The following ITPK1 variants were observed in gnomAD, a reference collection of about 807,000 sequenced individuals.
ITPK1 encodes the protein inositol-tetrakisphosphate 1-kinase.
A neutral mutation model predicts 45.3 loss-of-function variants in ITPK1; 21 were observed. The observed-to-expected ratio is 0.46, with a 90% confidence interval of 0.33 to 0.67. The LOEUF (loss-of-function observed/expected upper bound fraction) is 0.67. Ranked by LOEUF, ITPK1 falls within the 30% of genes least tolerant of loss-of-function variation. The pLI, the probability that ITPK1 is intolerant of heterozygous loss-of-function variation, is 0.02. For missense variants in ITPK1, 474 were observed against 573.5 expected, an observed-to-expected ratio of 0.83 and a Z score of 1.77; for synonymous variants, 258 against 253.6, an observed-to-expected ratio of 1.02 and a Z score of -0.16.
At chr14:93,065,239 C>A (rs180945381) in intron 3 of ITPK1, among the ~76,000 whole-genome samples, 2 of 152,194 alleles carry the variant, frequency 1.3e-5, no homozygotes, top group Admixed American at 1.3e-4. Flanking sequence ...ATGCTACAGA[C>A]ATTTCTGGCT....
At chr14:92,963,593 C>T (rs1347128464) in intron 5 of ITPK1, among the ~76,000 whole-genome samples, 1 of 152,216 alleles carries the variant, frequency 6.6e-6, no homozygotes, top group Non-Finnish European at 1.5e-5. Flanking sequence ...CCTGCCAATT[C>T]CTCCTCGCCC....
intron 2 of ITPK1, among the ~76,000 whole-genome samples, chr14:93,081,049 G>A (rs961176522): frequency 1.3e-5 from 2 of 151,394 alleles, no homozygotes; most frequent in Non-Finnish European, 2.9e-5. Context: ...AAAACCTGCA[G>A]CCGGGCATGG....
chr14:93,025,920 G>A (rs1054788482), intron 3 of ITPK1, among the ~76,000 whole-genome samples: 1 of 152,138 alleles, frequency 6.6e-6, no homozygotes, highest in African/African-American at 2.4e-5. Flanking sequence ...CTGAGTCCAG[G>A]AGTTTGAGAC....
rs551235686 is a variant in ITPK1 at position 93,081,388 on chromosome 14, T to C, written c.96-4769A>G. Among the ~76,000 whole-genome samples, 42 of 152,182 alleles carry C rather than the reference T, an allele frequency of 2.8e-4. No homozygotes were observed. In the South Asian group the frequency reaches 3.9e-3, roughly 14 times the overall value. On this transcript the variant is annotated intron_variant, in intron 2 of 10. Coordinates refer to ENST00000267615, the MANE Select transcript of ITPK1 (RefSeq NM_014216.6). ...TAATTTTACAGGCTCTAAACTGTCA[T>C]TGTATTGATAAATATTACACTAATA...
chr14:92,941,041 G>C lies in ITPK1; in HGVS notation c.*520C>G. 8.1e-7 allele frequency: 1 copy of C among 1,231,526 alleles called. No individual in the cohort carries two copies. The highest frequency in any genetic ancestry group is 1.0e-6 in the Non-Finnish European group (1 of 961,364). The allele number at this position is 1,231,526 out of a possible 1,614,324, so 76.3% of individuals were successfully genotyped here. ...TAGCTGCACACCAGGCAGGGTGGGG[G>C]CTAACAAAGCCTTGGTGGAGACCAG... On this transcript the variant is annotated 3_prime_UTR_variant, in exon 11 of 11. Transcript: ENST00000267615.
At chr14:92,972,345 G>A (rs1885703423) in intron 5 of ITPK1, among the ~76,000 whole-genome samples, 1 of 152,098 alleles carries the variant, frequency 6.6e-6, no homozygotes, top group South Asian at 2.1e-4. Flanking sequence ...TAATCCAATA[G>A]GACTGGTGTC....
At chr14:93,095,574 G>C (rs1021816398) in intron 2 of ITPK1, among the ~76,000 whole-genome samples, 73 of 137,310 alleles carry the variant, frequency 5.3e-4, no homozygotes, top group Middle Eastern at 3.6e-3. Flanking sequence ...CACGGACTAG[G>C]TTTTTTTTTT....
At position 92,976,042 on chromosome 14, in the gene ITPK1, G is replaced by C. The variant is rs138476649; in HGVS notation, c.365-13193C>G. Among the ~76,000 whole-genome samples, 1,354 of 152,270 alleles carry C rather than the reference G, an allele frequency of 8.9e-3. 17 individuals are homozygous for C. Among genetic ancestry groups the C allele is most frequent in the African/African-American group, 0.031 (1,271 of 41,546 alleles). On this transcript the variant is annotated intron_variant, in intron 5 of 10. Coordinates refer to ENST00000267615, the MANE Select transcript of ITPK1 (RefSeq NM_014216.6). The stretch of plus-strand genomic sequence containing the variant: ...GCATGTTTGCTTCCCCTTCCACCAT[G>C]ATTGTAAGTTTCCTAAGGCCTCCCT...
chr14:93,057,460 G>A (rs1566760420), intron 3 of ITPK1, among the ~76,000 whole-genome samples: 1 of 152,196 alleles, frequency 6.6e-6, no homozygotes, highest in Non-Finnish European at 1.5e-5. Context: ...CCCAGGGGGC[G>A]AGAGGCCTCA....
chr14:93,047,925 T>A (rs894119917), intron 3 of ITPK1, among the ~76,000 whole-genome samples: 6 of 152,232 alleles, frequency 3.9e-5, no homozygotes, highest in African/African-American at 1.4e-4. Context: ...ACAAGGAGCA[T>A]GAAAAGTGAA....
In ITPK1 at chr14:92,941,051, C is replaced by A. The variant is rs1005467645; in HGVS notation, c.*510G>T. On this transcript the variant is annotated 3_prime_UTR_variant, in exon 11 of 11. Transcript: ENST00000267615. ...CCAGGCAGGGTGGGGGCTAACAAAG[C>A]CTTGGTGGAGACCAGTAGGAGGAAA... 3 of 1,220,836 alleles carry A rather than the reference C, an allele frequency of 2.5e-6. No individual in the cohort carries two copies. Among genetic ancestry groups the A allele is most frequent in the African/African-American group, 3.1e-5 (2 of 63,682 alleles). 75.6% of individuals were successfully genotyped at this position (1,220,836 alleles called of 1,614,324 possible). A position where few individuals can be genotyped will look rare whatever the true frequency, so the allele number is the denominator to read the frequency against.
chr14:93,112,949 C>G (rs1280024461), intron 2 of ITPK1, among the ~76,000 whole-genome samples: 1 of 152,210 alleles, frequency 6.6e-6, no homozygotes, highest in Non-Finnish European at 1.5e-5. Context: ...GTCACTGGCT[C>G]AACAGTTGCA....
chr14:92,963,067 G>A (rs1332351696), intron 5 of ITPK1, among the ~76,000 whole-genome samples: 3 of 152,194 alleles, frequency 2.0e-5, no homozygotes, highest in South Asian at 2.1e-4. Flanking sequence ...TACAAAACTC[G>A]TGTATGATCA....
At chr14:92,959,627 C>A (rs1021246768) in intron 7 of ITPK1, among the ~76,000 whole-genome samples, 2 of 152,098 alleles carry the variant, frequency 1.3e-5, no homozygotes, top group Non-Finnish European at 2.9e-5. Flanking sequence ...TGGGCCCCCA[C>A]CCTGCTTAAG....
chr14:92,948,941 C>CGCCTGG (rs1887823561), intron 9 of ITPK1, among the ~76,000 whole-genome samples: 1 of 152,242 alleles, frequency 6.6e-6, no homozygotes, highest in African/African-American at 2.4e-5. Flanking sequence ...CTGAGGCCTA[C>CGCCTGG]ACCAGCGCAT....
At chr14:93,054,522 G>T (rs999165310) in intron 3 of ITPK1, among the ~76,000 whole-genome samples, 1 of 152,188 alleles carries the variant, frequency 6.6e-6, no homozygotes, top group East Asian at 1.9e-4. Context: ...ATCTGTAAAT[G>T]CTCACTGTCT....
In ITPK1 at chr14:92,938,256, C is replaced by A. The variant is rs1174072477; in HGVS notation, c.*3305G>T. On this transcript the variant is annotated 3_prime_UTR_variant, in exon 11 of 11. Coordinates refer to ENST00000267615, the MANE Select transcript of ITPK1 (RefSeq NM_014216.6). ...GACAGGCGTGAGCCGCCATGCCCGG[C>A]CAGAGTTTCTAGGGAATAGAAGAGA... 1.2e-5 allele frequency: 7 copies of A among 590,812 alleles called. No homozygotes were observed. Among genetic ancestry groups the A allele is most frequent in the Non-Finnish European group, 2.1e-5 (7 of 333,074 alleles). The allele number at this position is 590,812 out of a possible 1,614,324, so 36.6% of individuals were successfully genotyped here.
intron 2 of ITPK1, among the ~76,000 whole-genome samples, chr14:93,082,304 C>T (rs1000118312): frequency 2.0e-5 from 3 of 152,202 alleles, no homozygotes; most frequent in Non-Finnish European, 4.4e-5. Flanking sequence ...CACTTTTCAA[C>T]CGTGGTGGTG....
At chr14:93,067,171 C>G (rs757892959) in intron 3 of ITPK1, among the ~76,000 whole-genome samples, 9 of 152,244 alleles carry the variant, frequency 5.9e-5, no homozygotes, top group Non-Finnish European at 1.0e-4. Flanking sequence ...TTCATTCCAT[C>G]TCTTTTCTTT....
Sources: gnomAD v4.1 joint callset for allele counts (sites outside exome capture counted in the v4.1 genomes callset) on GRCh38, gnomAD v4.1.1 for gene constraint, MANE v1.5 for transcripts, NCBI Gene and HGNC (gene_info 2026-07-23, HGNC 2026-07-21) for gene names.